Variants in NOP58 observed in about 807,000 individuals in gnomAD.
The protein encoded by NOP58 is NOP58 ribonucleoprotein.
A neutral mutation model predicts 71.2 loss-of-function variants in NOP58; 44 were observed. That is an observed-to-expected ratio of 0.62 (90% confidence interval 0.49 to 0.79). The LOEUF is 0.79. Among genes scored for constraint, NOP58 ranks in the 30% least tolerant of loss-of-function variants. NOP58 has a pLI of 0.00. For synonymous variants in NOP58, 228 were observed against 200.3 expected (o/e 1.14, Z -1.17); for missense variants, 538 against 620.2 (o/e 0.87, Z 1.41).
intron 3 of NOP58, among the ~76,000 whole-genome samples, chr2:202,279,178 C>T (rs1688659410): frequency 6.6e-6 from 1 of 152,108 alleles, no homozygotes; most frequent in Non-Finnish European, 1.5e-5. Context: ...TGAACAGTTC[C>T]TAGTCCTGAT....
intron 1 of NOP58, among the ~76,000 whole-genome samples, chr2:202,273,625 T>A (rs1180873982): frequency 6.6e-6 from 1 of 152,190 alleles, no homozygotes; most frequent in Non-Finnish European, 1.5e-5. Context: ...AGGTAAAAAT[T>A]AAATGTCTAG....
In NOP58 at chr2:202,265,843, GC is replaced by G; in HGVS notation, c.-97del. On this transcript the variant is annotated 5_prime_UTR_variant, in exon 1 of 15. Transcript: ENST00000264279. ...CGGCGAGCGCATTTGTGCTTTGCCC[GC>G]CGCGGCCTAGGAGGCCTTTTGAGGC... The G allele has an allele frequency of 7.2e-7, 1 of 1,389,740 alleles. No homozygotes were observed. The allele number at this position is 1,389,740 out of a possible 1,614,324, so 86.1% of individuals were successfully genotyped here.
chr2:202,287,480 T>C (rs1688811808), intron 5 of NOP58, among the ~76,000 whole-genome samples, 180 bp from the exon 6 acceptor site: 2 of 152,062 alleles, frequency 1.3e-5, no homozygotes. Context: ...TTAATGTGTA[T>C]TTTCTGTTCT....
At chr2:202,273,598 C>A (rs1383054981) in intron 1 of NOP58, among the ~76,000 whole-genome samples, 1 of 152,120 alleles carries the variant, frequency 6.6e-6, no homozygotes, top group Non-Finnish European at 1.5e-5. Flanking sequence ...TTTATAGATA[C>A]AAACTGAAAT....
In NOP58 at chr2:202,297,497, C is replaced by G. The variant is rs1301222182; in HGVS notation, c.1190C>G (p.Thr397Ser). ...NRAKLEARLR[T>S]LEDRGIRKIS... ...GCCAAATTAGAGGCCAGGTTGAGAACTTTGGAAGACAGAGGGGTAAGAACT... is the reference window on the plus strand; with the variant it reads ...GCCAAATTAGAGGCCAGGTTGAGAAGTTTGGAAGACAGAGGGGTAAGAACT... The change falls in exon 11 of 15, where the codon ACT (threonine) becomes AGT (serine). Residue 397 changes from threonine (T) to serine (S), a missense_variant. Physicochemically the swap from Thr to Ser is moderately conservative, Grantham distance 58. Transcript: ENST00000264279. 5 of 1,613,836 alleles carry G rather than the reference C, an allele frequency of 3.1e-6. No homozygotes were observed. The highest frequency in any genetic ancestry group is 3.4e-6 in the Non-Finnish European group (4 of 1,179,844).
intron 2 of NOP58, among the ~76,000 whole-genome samples, chr2:202,277,342 C>T (rs909539472): frequency 7.3e-5 from 11 of 150,586 alleles, no homozygotes; most frequent in Non-Finnish European, 1.3e-4. Flanking sequence ...CATGGTGGCA[C>T]AGGCACATGC....
Position 202,300,378 on chromosome 2 carries a change from A to ATT in NOP58, c.1402+20_1402+21dup. ...AGATTAAAGTTAAAGGTTAGTTTGA[A>ATT]TTTTTTTTTTAACACAACTTATACT... On this transcript the variant is annotated intron_variant, in intron 13 of 14. Transcript: ENST00000264279. 2 of 1,477,878 alleles carry ATT rather than the reference A, an allele frequency of 1.4e-6. No homozygotes were observed. The highest frequency in any genetic ancestry group is 9.1e-7 in the Non-Finnish European group (1 of 1,096,782). The allele number at this position is 1,477,878 out of a possible 1,614,324, so 91.5% of individuals were successfully genotyped here.
intron 13 of NOP58, among the ~76,000 whole-genome samples, chr2:202,302,642 T>C (rs1159483688): frequency 6.6e-6 from 1 of 152,212 alleles, no homozygotes; most frequent in African/African-American, 2.4e-5. Context: ...TATAATTGAC[T>C]TTCTTCCCAA....
At chr2:202,285,719 G>C (rs1304409927) in intron 5 of NOP58, among the ~76,000 whole-genome samples, 1 of 152,040 alleles carries the variant, frequency 6.6e-6, no homozygotes, top group East Asian at 1.9e-4. Flanking sequence ...TTGCTATGTT[G>C]TGATACATCT....
chr2:202,286,121 G>T (rs1688781110), intron 5 of NOP58, among the ~76,000 whole-genome samples: 1 of 147,014 alleles, frequency 6.8e-6, no homozygotes, highest in Admixed American at 6.9e-5. Flanking sequence ...GGCAGAGCTT[G>T]CAGTGAGTGG....
At position 202,292,771 on chromosome 2, in the gene NOP58, T is replaced by A; in HGVS notation, c.781-6T>A. 1 of 1,606,732 alleles carries A rather than the reference T, an allele frequency of 6.2e-7. No homozygotes were observed. Among genetic ancestry groups the A allele is most frequent in the Non-Finnish European group, 8.5e-7 (1 of 1,173,216 alleles). On this transcript the variant is annotated splice_region_variant and splice_polypyrimidine_tract_variant and intron_variant, in intron 8 of 14. Coordinates refer to ENST00000264279, the MANE Select transcript of NOP58 (RefSeq NM_015934.5). ...ATTTGTGACTTAACTTTATTCCTTA[T>A]ACTAGGTGATTGAAATCTCTGAATA...
intron 2 of NOP58, among the ~76,000 whole-genome samples, 164 bp from the exon 3 acceptor site, chr2:202,277,786 A>G (rs1281856179): frequency 6.6e-6 from 1 of 152,224 alleles, no homozygotes; most frequent in Non-Finnish European, 1.5e-5. Flanking sequence ...AAAACTAGTA[A>G]TTGTATGAAG....
rs1412782141 is a variant in NOP58, at chr2:202,277,946, C to A, written c.123-4C>A. ...ATGTTTATCTCTTTTTTTTTTAATT[C>A]TAGAGTAAAGCTAAAACATTTTGAG... On this transcript the variant is annotated splice_polypyrimidine_tract_variant and splice_region_variant and intron_variant, in intron 2 of 14. Transcript: ENST00000264279. 3 of 1,432,938 alleles carry A rather than the reference C, an allele frequency of 2.1e-6. No individual in the cohort carries two copies. The highest frequency in any genetic ancestry group is 1.2e-5 in the South Asian group (1 of 81,354). The allele number at this position is 1,432,938 out of a possible 1,614,324, so 88.8% of individuals were successfully genotyped here.
chr2:202,300,092 T>TA (rs563509625), intron 12 of NOP58, 142 bp from the exon 13 acceptor site: 59 of 692,280 alleles, frequency 8.5e-5, no homozygotes, highest in Non-Finnish European at 1.3e-4. Flanking sequence ...TTAGTCTTCA[T>TA]AAACTACCCC....
intron 13 of NOP58, among the ~76,000 whole-genome samples, chr2:202,302,246 C>T (rs1689107817): frequency 6.6e-6 from 1 of 151,808 alleles, no homozygotes; most frequent in African/African-American, 2.4e-5. Flanking sequence ...CACCACCATG[C>T]CTAGCTAACT....
intron 1 of NOP58, among the ~76,000 whole-genome samples, chr2:202,274,815 AGCTACGGCCCAAGGCTG>A (rs957140363): frequency 1.2e-4 from 19 of 152,274 alleles, no homozygotes; most frequent in African/African-American, 4.6e-4. Flanking sequence ...CCATAGCTCC[AGCTACGGCCCAAGGCTG>A]GGGCAGGAAT....
At chr2:202,270,452 T>C (rs937696128) in intron 1 of NOP58, among the ~76,000 whole-genome samples, 1 of 152,248 alleles carries the variant, frequency 6.6e-6, no homozygotes, top group African/African-American at 2.4e-5. Flanking sequence ...ATATTGTCTG[T>C]GGAAGTGAAA....
intron 2 of NOP58, among the ~76,000 whole-genome samples, chr2:202,277,005 G>T (rs1446923118): frequency 6.6e-6 from 1 of 151,070 alleles, no homozygotes; most frequent in Non-Finnish European, 1.5e-5. Context: ...CCAGCCATGG[G>T]GGCTGGGCAC....
rs1209177491 is a variant in NOP58, at chr2:202,286,397, C to T, written c.435-1263C>T. Among the ~76,000 whole-genome samples the T allele has an allele frequency of 7.0e-3, 825 of 117,634 alleles. No homozygotes were observed. In the Middle Eastern group the frequency reaches 0.082, roughly 12 times the overall value. 77.2% of individuals were successfully genotyped at this position (117,634 alleles called of 152,430 possible). ...GCGGGCGCCTGTAGTCCCAGCTACT[C>T]GGGAGGCTGAGGCAGGAGAATGGCG... On this transcript the variant is annotated intron_variant, in intron 5 of 14. Transcript: ENST00000264279.
Sources: allele counts gnomAD v4.1 joint callset (sites outside exome capture counted in the v4.1 genomes callset), GRCh38; gene constraint gnomAD v4.1.1; transcripts MANE v1.5; gene names NCBI Gene and HGNC (gene_info 2026-07-23, HGNC 2026-07-21).